MDFIC: variants seen among roughly 807,000 people sequenced by gnomAD.
MDFIC encodes myoD family inhibitor domain-containing protein.
A neutral mutation model predicts 23.2 loss-of-function variants in MDFIC; 17 were observed. The observed-to-expected ratio is 0.73, with a 90% CI of 0.50 to 1.10. The LOEUF (loss-of-function observed/expected upper bound fraction) is 1.10. Ranked by LOEUF, MDFIC falls within the 50% of genes least tolerant of loss-of-function variation. The probability of loss-of-function intolerance (pLI) is 0.00; values close to 1 mark genes in which losing one functional copy is unlikely to be tolerated. For missense variants in MDFIC, 356 were observed against 316.6 expected, an observed-to-expected ratio of 1.12 and a Z score of -0.95; for synonymous variants, 120 against 115.2, an observed-to-expected ratio of 1.04 and a Z score of -0.27.
chr7:114,968,895 C>G (rs1282975535), intron 3 of MDFIC, among the ~76,000 whole-genome samples: 1 of 152,114 alleles, frequency 6.6e-6, no homozygotes, highest in Non-Finnish European at 1.5e-5. Flanking sequence ...GTTCAGTTAG[C>G]AATTTGTATG....
chr7:114,983,563 C>CTTTT lies in MDFIC; in HGVS notation c.493+3801_493+3804dup, dbSNP rs11388500. Among the ~76,000 whole-genome samples the CTTTT allele has an allele frequency of 5.5e-3, 482 of 88,232 alleles. 7 individuals are homozygous for CTTTT. The highest frequency in any genetic ancestry group is 0.036 in the Middle Eastern group (4 of 112). The allele number at this position is 88,232 out of a possible 152,430, so 57.9% of individuals were successfully genotyped here. A position where few individuals can be genotyped will look rare whatever the true frequency, so the allele number is the denominator to read the frequency against. ...AAAGAAGCCTGCACTTCATCAGGTACTTTTTTTTTTTTTTTTTTTTTTGAG... is the reference window on the plus strand; with the variant it reads ...AAAGAAGCCTGCACTTCATCAGGTACTTTTTTTTTTTTTTTTTTTTTTTTTTGAG... On this transcript the variant is annotated intron_variant, in intron 4 of 4. Transcript: ENST00000393486.
At chr7:114,939,772 T>A (rs1792501930) in intron 2 of MDFIC, among the ~76,000 whole-genome samples, 1 of 152,240 alleles carries the variant, frequency 6.6e-6, no homozygotes, top group African/African-American at 2.4e-5. Flanking sequence ...CAATGCTTCA[T>A]AATGCCTTGG....
At chr7:114,980,716 C>T (rs1346568079) in intron 4 of MDFIC, among the ~76,000 whole-genome samples, 2 of 152,060 alleles carry the variant, frequency 1.3e-5, no homozygotes, top group Non-Finnish European at 2.9e-5. Flanking sequence ...TATATTTCTC[C>T]TTATTCCCCT....
In MDFIC at chr7:115,017,514, A is replaced by G. The variant is rs1791817918; in HGVS notation, c.*1579A>G. The G allele has an allele frequency of 6.6e-6, 1 of 152,364 alleles. No individual in the cohort carries two copies. Among genetic ancestry groups the G allele is most frequent in the East Asian group, 1.9e-4 (1 of 5,194 alleles). The allele number at this position is 152,364 out of a possible 1,614,324, so 9.4% of individuals were successfully genotyped here. ...AAATGGAAACCATTCTTTTCAATGC[A>G]GAAGAAATCTAGATATCCCCTACTG... is the stretch of plus-strand genomic sequence containing the variant. On this transcript the variant is annotated 3_prime_UTR_variant, in exon 5 of 5. Transcript: ENST00000393486.
chr7:114,999,015 A>G (rs1186675366), intron 4 of MDFIC, among the ~76,000 whole-genome samples: 1 of 151,758 alleles, frequency 6.6e-6, no homozygotes, highest in Non-Finnish European at 1.5e-5. Context: ...CACCTTCCAT[A>G]TCTCTGTCTG....
intron 2 of MDFIC, among the ~76,000 whole-genome samples, chr7:114,929,890 G>T (rs1263887475): frequency 1.3e-5 from 2 of 152,132 alleles, no homozygotes; most frequent in Admixed American, 1.3e-4. Flanking sequence ...TGGGATGAAG[G>T]GACCAGTCTT....
At chr7:114,969,580 G>T (rs1014839857) in intron 3 of MDFIC, among the ~76,000 whole-genome samples, 67 of 152,094 alleles carry the variant, frequency 4.4e-4, no homozygotes, top group Non-Finnish European at 3.1e-4. Context: ...TTTGTGAAGG[G>T]TTCATGTCAG....
chr7:114,971,167 A>G (rs1033383858), intron 3 of MDFIC, among the ~76,000 whole-genome samples: 11 of 152,210 alleles, frequency 7.2e-5, no homozygotes, highest in African/African-American at 2.4e-4. Context: ...ACATACAAAT[A>G]TATGGACAGT....
intron 3 of MDFIC, among the ~76,000 whole-genome samples, chr7:114,967,495 A>C (rs1202467355): frequency 1.3e-5 from 2 of 152,178 alleles, no homozygotes; most frequent in African/African-American, 4.8e-5. Flanking sequence ...AAACATATGG[A>C]ATCTTTGTCT....
intron 2 of MDFIC, among the ~76,000 whole-genome samples, chr7:114,928,640 T>C (rs1424007661): frequency 3.9e-5 from 6 of 152,168 alleles, no homozygotes; most frequent in Admixed American, 2.0e-4. Flanking sequence ...TAAAGTCAGT[T>C]TCAGGAGGGC....
intron 4 of MDFIC, among the ~76,000 whole-genome samples, chr7:115,009,423 T>C (rs959622143): frequency 4.6e-5 from 7 of 152,204 alleles, no homozygotes; most frequent in Non-Finnish European, 8.8e-5. Flanking sequence ...ATTTTGTAAA[T>C]AGTTTTCTGA....
chr7:115,008,867 G>C (rs1461627962), intron 4 of MDFIC, among the ~76,000 whole-genome samples: 2 of 152,182 alleles, frequency 1.3e-5, no homozygotes, highest in Non-Finnish European at 2.9e-5. Context: ...GCAGTATCTA[G>C]GAAGAGGAAA....
At chr7:114,930,517 C>A (rs967019726) in intron 2 of MDFIC, among the ~76,000 whole-genome samples, 1 of 152,084 alleles carries the variant, frequency 6.6e-6, no homozygotes, top group Non-Finnish European at 1.5e-5. Context: ...GATTGAGTGA[C>A]CTTTACATGG....
At chr7:114,978,922 C>A (rs981970325) in intron 3 of MDFIC, among the ~76,000 whole-genome samples, 19 of 151,876 alleles carry the variant, frequency 1.3e-4, no homozygotes, top group Admixed American at 9.8e-4. Flanking sequence ...ATCTTGTATT[C>A]CTAATTTTTC....
In MDFIC at chr7:114,984,081, C is replaced by A. The variant is rs1357939315; in HGVS notation, c.493+4300C>A. On this transcript the variant is annotated intron_variant, in intron 4 of 4. Transcript: ENST00000393486. Reference sequence around the variant, plus strand: ...CTGGTTCCACAATCCATGTTCCTAACCTCTGTGCTATTTTGTGTGACTAAA... The same window carrying A: ...CTGGTTCCACAATCCATGTTCCTAAACTCTGTGCTATTTTGTGTGACTAAA... Among the ~76,000 whole-genome samples the A allele has an allele frequency of 6.6e-5, 10 of 152,140 alleles. No homozygotes were observed. The East Asian group carries it at 1.4e-3, about 21-fold the overall frequency.
At chr7:115,015,302 A>G (rs1315018573) in intron 4 of MDFIC, among the ~76,000 whole-genome samples, 4 of 152,168 alleles carry the variant, frequency 2.6e-5, no homozygotes, top group Admixed American at 2.6e-4. Context: ...CTATTTCTGA[A>G]GGACTTTAAT....
At chr7:114,952,329 A>G (rs1312528298) in intron 3 of MDFIC, among the ~76,000 whole-genome samples, 3 of 152,176 alleles carry the variant, frequency 2.0e-5, no homozygotes, top group African/African-American at 7.2e-5. Flanking sequence ...TCCAAGGCTC[A>G]GTACAGCGTG....
intron 3 of MDFIC, among the ~76,000 whole-genome samples, chr7:114,979,099 G>C (rs1002627731): frequency 4.6e-5 from 7 of 152,044 alleles, no homozygotes; most frequent in African/African-American, 1.7e-4. Context: ...AAAGACAATT[G>C]AGTAGTTTGT....
chr7:114,976,491 A>G (rs1793317094), intron 3 of MDFIC, among the ~76,000 whole-genome samples: 1 of 152,112 alleles, frequency 6.6e-6, no homozygotes, highest in African/African-American at 2.4e-5. Context: ...AAATCAAACC[A>G]TTGCACACCC....
Sources: gnomAD v4.1 joint callset for allele counts (sites outside exome capture counted in the v4.1 genomes callset) on GRCh38, gnomAD v4.1.1 for gene constraint, MANE v1.5 for transcripts, NCBI Gene and HGNC (gene_info 2026-07-23, HGNC 2026-07-21) for gene names.